SF3A3: variants seen among roughly 807,000 people sequenced by gnomAD.
SF3A3 encodes splicing factor 3a subunit 3.
SF3A3 carries 9 observed loss-of-function variants against 85.8 expected under a neutral mutation model. The ratio of observed to expected loss-of-function variants is 0.10; its 90% confidence interval spans 0.06 to 0.18. SF3A3 has a LOEUF of 0.18. SF3A3 is among the 10% of genes least tolerant of loss of function. The pLI, the probability that SF3A3 is intolerant of heterozygous loss-of-function variation, is 1.00. For missense variants in SF3A3, 306 were observed against 593.3 expected, an observed-to-expected ratio of 0.52 and a Z score of 5.03; for synonymous variants, 195 against 204.4, an observed-to-expected ratio of 0.95 and a Z score of 0.39.
At chr1:37,989,808 G>C in intron 1 of SF3A3, 62 bp downstream of exon 1, 1 of 1,401,368 alleles carries the variant, frequency 7.1e-7, no homozygotes, top group Non-Finnish European at 1.0e-6. Flanking sequence ...CAAGCTCTCA[G>C]AGGTCAAACA....
chr1:37,962,496 G>C (rs958661137), intron 15 of SF3A3, among the ~76,000 whole-genome samples: 2 of 148,808 alleles, frequency 1.3e-5, no homozygotes, highest in Non-Finnish European at 1.5e-5. Context: ...CCTGCTACTT[G>C]GGAGGCTGAG....
intron 11 of SF3A3, 110 bp from the exon 12 acceptor site, chr1:37,977,063 G>C: frequency 1.3e-6 from 1 of 762,540 alleles, no homozygotes; most frequent in Non-Finnish European, 2.3e-6. Flanking sequence ...ATAAGCACAT[G>C]AGAAATACGA....
chr1:37,974,764 A>C (rs1277347902), intron 12 of SF3A3, among the ~76,000 whole-genome samples: 1 of 152,160 alleles, frequency 6.6e-6, no homozygotes, highest in African/African-American at 2.4e-5. Flanking sequence ...GCAAAGTCCA[A>C]ATTTCCAACA....
At chr1:37,973,805 A>C (rs1254357779) in intron 12 of SF3A3, among the ~76,000 whole-genome samples, 3 of 152,224 alleles carry the variant, frequency 2.0e-5, no homozygotes, top group African/African-American at 7.2e-5. Flanking sequence ...AGCACTAGTC[A>C]CAATAATAAA....
Position 37,958,152 on chromosome 1 carries a change from G to T in SF3A3, c.*34C>A. The T allele has an allele frequency of 7.0e-7, 1 of 1,420,868 alleles. No individual in the cohort carries two copies. Among genetic ancestry groups the T allele is most frequent in the Non-Finnish European group, 1.0e-6 (1 of 1,004,682 alleles). 88.0% of individuals were successfully genotyped at this position (1,420,868 alleles called of 1,614,324 possible). ...AAAAAGCAGATCTTAGGGAAGCCTG[G>T]GCTAGCCCAAAAGCTGAGCTACATC... On this transcript the variant is annotated 3_prime_UTR_variant, in exon 17 of 17. Coordinates refer to ENST00000373019, the MANE Select transcript of SF3A3 (RefSeq NM_006802.4).
chr1:37,981,579 C>G (rs981842814), intron 7 of SF3A3, 150 bp downstream of exon 7: 1 of 651,466 alleles, frequency 1.5e-6, no homozygotes, highest in African/African-American at 1.8e-5. Context: ...GGTTTTAAAA[C>G]CACATCATTC....
chr1:37,965,570 A>G (rs944497184), intron 15 of SF3A3, among the ~76,000 whole-genome samples: 6 of 152,164 alleles, frequency 3.9e-5, no homozygotes, highest in African/African-American at 1.4e-4. Context: ...CCTGGGCAAC[A>G]TGGTGACACA....
chr1:37,962,285 CAAAAAAAAAAAAAAAAAAAA>C (rs10559284), intron 15 of SF3A3, among the ~76,000 whole-genome samples: 3 of 26,514 alleles, frequency 1.1e-4, no homozygotes, highest in South Asian at 2.8e-3. Flanking sequence ...GCGAGACTGT[CAAAAAAAAAAAAAAAAAAAA>C]AAAAAAAAAA....
chr1:37,963,522 G>A (rs74613148), intron 15 of SF3A3, among the ~76,000 whole-genome samples: 3,697 of 151,698 alleles, frequency 0.024, 179 homozygotes, highest in East Asian at 0.22. Context: ...AATTCTGAAA[G>A]TAATACAATT....
chr1:37,986,010 G>A (rs1313806640), intron 4 of SF3A3, among the ~76,000 whole-genome samples: 2 of 147,762 alleles, frequency 1.4e-5, no homozygotes, highest in Non-Finnish European at 3.0e-5. Flanking sequence ...GTGCAGTGGC[G>A]TGATCTCAGC....
chr1:37,980,395 G>A (rs1013400865), intron 8 of SF3A3, among the ~76,000 whole-genome samples, 191 bp downstream of exon 8: 2 of 151,498 alleles, frequency 1.3e-5, no homozygotes, highest in African/African-American at 4.9e-5. Flanking sequence ...TTGTACTCCA[G>A]CCTGGGCAAC....
In SF3A3 at chr1:37,969,744, G is replaced by C. The variant is rs1311509501; in HGVS notation, c.1006-9C>G. 33 of 1,607,738 alleles carry C rather than the reference G, an allele frequency of 2.1e-5. No individual in the cohort carries two copies. Among genetic ancestry groups the C allele is most frequent in the Non-Finnish European group, 2.6e-5 (31 of 1,175,998 alleles). ...GTGAGATGTCGCTGTTCCTAAAGCA[G>C]GTCCATAAATGAAAAGTCAGAAAAA... On this transcript the variant is annotated splice_polypyrimidine_tract_variant and intron_variant, in intron 12 of 16. Coordinates refer to ENST00000373019, the MANE Select transcript of SF3A3 (RefSeq NM_006802.4).
chr1:37,989,789 G>C, intron 1 of SF3A3, 81 bp downstream of exon 1: 1 of 1,319,748 alleles, frequency 7.6e-7, no homozygotes, highest in Non-Finnish European at 1.1e-6. Context: ...GAGGTTCTGA[G>C]GGCCAAAGCA....
chr1:37,981,617 AGTATGCCTTCAT>A, intron 7 of SF3A3, 100 bp downstream of exon 7: 2 of 737,272 alleles, frequency 2.7e-6, no homozygotes, highest in Non-Finnish European at 4.8e-6. Context: ...TAAACCTGGA[AGTATGCCTTCAT>A]GTATGCCTTC....
chr1:37,968,269 T>G, intron 14 of SF3A3, 135 bp from the exon 15 acceptor site: 1 of 661,700 alleles, frequency 1.5e-6, no homozygotes, highest in East Asian at 2.6e-5. Flanking sequence ...CTTTTGTGAT[T>G]CATGTTTGTA....
intron 15 of SF3A3, among the ~76,000 whole-genome samples, chr1:37,967,543 G>A (rs567042574): frequency 1.3e-5 from 2 of 151,694 alleles, no homozygotes; most frequent in South Asian, 2.1e-4. Context: ...GCCAAGTGTG[G>A]TGGCGGGCGC....
intron 2 of SF3A3, among the ~76,000 whole-genome samples, 185 bp from the exon 3 acceptor site, chr1:37,988,021 G>T (rs1205271438): frequency 6.6e-6 from 1 of 152,062 alleles, no homozygotes; most frequent in African/African-American, 2.4e-5. Context: ...TTTTTTAATA[G>T]CCCTTTAACA....
intron 4 of SF3A3, 131 bp downstream of exon 4, chr1:37,987,442 T>C (rs1165861865): frequency 1.5e-6 from 1 of 687,430 alleles, no homozygotes; most frequent in Non-Finnish European, 2.6e-6. Context: ...CAGCTAACTA[T>C]GGTCCTTGCA....
chr1:37,974,929 T>G (rs536437134), intron 12 of SF3A3, among the ~76,000 whole-genome samples: 29 of 152,308 alleles, frequency 1.9e-4, no homozygotes, highest in South Asian at 6.2e-4. Flanking sequence ...TTCTTCTCCC[T>G]TCTCTCTTTC....
Sources: allele counts gnomAD v4.1 joint callset (sites outside exome capture counted in the v4.1 genomes callset), GRCh38; gene constraint gnomAD v4.1.1; transcripts MANE v1.5; gene names NCBI Gene and HGNC (gene_info 2026-07-23, HGNC 2026-07-21).